Variants in MGRN1 observed in about 807,000 individuals in gnomAD.
The protein encoded by MGRN1 is mahogunin ring finger 1.
In MGRN1, 29 loss-of-function variants were observed where a neutral mutation model predicts 69.2. That is an observed-to-expected ratio of 0.42 (90% CI 0.31 to 0.57). The LOEUF (loss-of-function observed/expected upper bound fraction) is 0.57, where lower values mean the gene tolerates loss of function less well. Among genes scored for constraint, MGRN1 ranks in the 20% least tolerant of loss-of-function variants. The pLI is 0.15. For missense variants in MGRN1, 998 were observed against 796.2 expected (o/e 1.25, Z -3.05); for synonymous variants, 470 against 344.2 (o/e 1.37, Z -4.04).
chr16:4,646,496 G>T (rs1463374241), intron 1 of MGRN1, among the ~76,000 whole-genome samples: 1 of 152,086 alleles, frequency 6.6e-6, no homozygotes, highest in Non-Finnish European at 1.5e-5. Context: ...TGCCTCCCTG[G>T]CTCACAGGCC....
At chr16:4,642,060 G>A (rs6500626) in intron 1 of MGRN1, among the ~76,000 whole-genome samples, 11,217 of 151,488 alleles carry the variant, frequency 0.074, 1,237 homozygotes, top group African/African-American at 0.25. Context: ...CCCTGTTCTT[G>A]AGTGCTGAGG....
chr16:4,639,247 A>G (rs2078104507), intron 1 of MGRN1, among the ~76,000 whole-genome samples: 1 of 152,094 alleles, frequency 6.6e-6, no homozygotes, highest in Admixed American at 6.6e-5. Flanking sequence ...GGTACACGAG[A>G]TAAAGCAGCA....
Position 4,642,466 on chromosome 16 carries a change from TTGTGTG to T in MGRN1, c.89-7869_89-7864del, listed in dbSNP as rs143119735. ...GCATGCACCACCACGGCCAGCTAAT[TTGTGTG>T]TGTGTGTGTGTGTGTGTGTGTGTGT... On this transcript the variant is annotated intron_variant, in intron 1 of 16. Transcript: ENST00000262370. Among the ~76,000 whole-genome samples, 251 of 141,816 alleles carry T rather than the reference TTGTGTG, an allele frequency of 1.8e-3. 1 individual carries two copies. The highest frequency in any genetic ancestry group is 7.1e-3 in the Middle Eastern group (2 of 280). 93.0% of individuals were successfully genotyped at this position (141,816 alleles called of 152,430 possible).
At chr16:4,647,804 C>T (rs1193901818) in intron 1 of MGRN1, among the ~76,000 whole-genome samples, 1 of 152,190 alleles carries the variant, frequency 6.6e-6, no homozygotes, top group African/African-American at 2.4e-5. Flanking sequence ...TCGTCATCAG[C>T]TCTCAGTGGT....
chr16:4,635,659 G>A (rs1033007062), intron 1 of MGRN1, among the ~76,000 whole-genome samples: 1 of 151,000 alleles, frequency 6.6e-6, no homozygotes, highest in Admixed American at 6.6e-5. Context: ...TTTTGAGACA[G>A]AGTCTCGCAC....
intron 10 of MGRN1, among the ~76,000 whole-genome samples, chr16:4,675,448 T>C (rs2079033962): frequency 6.6e-6 from 1 of 152,102 alleles, no homozygotes; most frequent in Non-Finnish European, 1.5e-5. Flanking sequence ...TTTCAATAAA[T>C]TTTTAGCATA....
intron 1 of MGRN1, among the ~76,000 whole-genome samples, chr16:4,638,215 C>T (rs955517795): frequency 6.6e-6 from 1 of 152,012 alleles, no homozygotes; most frequent in Admixed American, 6.6e-5. Context: ...CCCTGTAATC[C>T]CAGCACTTTG....
At chr16:4,677,299 G>C (rs1183510997) in intron 10 of MGRN1, 164 bp from the exon 11 acceptor site, 4 of 449,492 alleles carry the variant, frequency 8.9e-6, no homozygotes, top group Non-Finnish European at 1.2e-5. Flanking sequence ...TTAAATTCCT[G>C]CTCCTTAAAA....
At chr16:4,631,794 C>T (rs1448566361) in intron 1 of MGRN1, among the ~76,000 whole-genome samples, 1 of 152,126 alleles carries the variant, frequency 6.6e-6, no homozygotes, top group Non-Finnish European at 1.5e-5. Context: ...ATAAGTATTA[C>T]ATTGGATATA....
rs149243318 is a variant in MGRN1 at position 4,657,794 on chromosome 16, G to A, written c.561+431G>A. ...ACAGTCTCGCTCTGTCGCCCAGGCT[G>A]CAGTGCAGTGGCGCGATCTCGGATC... On this transcript the variant is annotated intron_variant, in intron 5 of 16. Transcript: ENST00000262370. 4.7e-5 allele frequency among the ~76,000 whole-genome samples: 6 copies of A among 128,388 alleles called. No individual in the cohort carries two copies. In the East Asian group the frequency reaches 8.8e-4, roughly 19 times the overall value. 84.2% of individuals were successfully genotyped at this position (128,388 alleles called of 152,430 possible). A position where few individuals can be genotyped will look rare whatever the true frequency, so the allele number is the denominator to read the frequency against.
chr16:4,648,808 G>A (rs1596277398), intron 1 of MGRN1, among the ~76,000 whole-genome samples: 2 of 118,256 alleles, frequency 1.7e-5, no homozygotes, highest in Admixed American at 7.8e-5. Context: ...TCCTCCCGGG[G>A]CTCTTCCCGT....
rs538932116 is a variant in MGRN1 at position 4,668,256 on chromosome 16, C to A, written c.679-9C>A. The A allele has an allele frequency of 9.3e-6, 15 of 1,613,842 alleles. No individual in the cohort carries two copies. In the Admixed American group the frequency reaches 1.7e-4, roughly 18 times the overall value. On this transcript the variant is annotated splice_polypyrimidine_tract_variant and intron_variant, in intron 7 of 16. Coordinates refer to ENST00000262370, the MANE Select transcript of MGRN1 (RefSeq NM_015246.4). ...ACCACCTTAACCTCTTTGTCTTTCT[C>A]CCCTGCAGCACATGGACGGCAGCTT...
intron 1 of MGRN1, among the ~76,000 whole-genome samples, chr16:4,646,307 T>C (rs935653245): frequency 2.6e-5 from 4 of 152,116 alleles, no homozygotes; most frequent in Admixed American, 6.5e-5. Context: ...GTGCACACTG[T>C]GATCCCAGCT....
rs534277637 is a variant in MGRN1 at position 4,654,305 on chromosome 16, G to T, written c.443+1481G>T. On this transcript the variant is annotated intron_variant, in intron 4 of 16. Transcript: ENST00000262370. Reference sequence around the variant, plus strand: ...CCCTGTTGCTGAGGAAATGACAAGGGTTTTAGAGGACTCTGTGTCAGGAAC... The same window carrying T: ...CCCTGTTGCTGAGGAAATGACAAGGTTTTTAGAGGACTCTGTGTCAGGAAC... 4.6e-5 allele frequency among the ~76,000 whole-genome samples: 7 copies of T among 152,316 alleles called. No homozygotes were observed. The East Asian group carries it at 1.4e-3, about 29-fold the overall frequency.
intron 5 of MGRN1, among the ~76,000 whole-genome samples, chr16:4,658,247 C>T (rs1481143237): frequency 6.6e-6 from 1 of 151,522 alleles, no homozygotes; most frequent in Non-Finnish European, 1.5e-5. Context: ...CAGTACAGAC[C>T]TTGTGTGGCC....
chr16:4,658,691 G>C (rs921207533), intron 5 of MGRN1, among the ~76,000 whole-genome samples: 3 of 151,566 alleles, frequency 2.0e-5, no homozygotes, highest in Non-Finnish European at 2.9e-5. Flanking sequence ...TCTGTAAAAA[G>C]CCTCCCTTGT....
intron 1 of MGRN1, among the ~76,000 whole-genome samples, chr16:4,645,605 G>A (rs1283832963): frequency 2.0e-5 from 3 of 152,224 alleles, no homozygotes; most frequent in Non-Finnish European, 2.9e-5. Flanking sequence ...GCAAGCTGGG[G>A]TGTGGGAGGC....
rs77279602 is a variant in MGRN1, at chr16:4,637,598, G to T, written c.88+12550G>T. On this transcript the variant is annotated intron_variant, in intron 1 of 16. Coordinates refer to ENST00000262370, the MANE Select transcript of MGRN1 (RefSeq NM_015246.4). ...ATGGAGTGTATTGAAGGCTCCGAGG[G>T]AAGTCCCAGTAACCTCAGGGGAAAC... Among the ~76,000 whole-genome samples the T allele has an allele frequency of 3.2e-3, 495 of 152,332 alleles. 2 individuals carry two copies. The highest frequency in any genetic ancestry group is 0.011 in the African/African-American group (461 of 41,574).
At chr16:4,685,956 G>C (rs2079304000) in intron 16 of MGRN1, among the ~76,000 whole-genome samples, 1 of 152,180 alleles carries the variant, frequency 6.6e-6, no homozygotes, top group Non-Finnish European at 1.5e-5. Flanking sequence ...CCCACCCAGG[G>C]CCTTCACTCC....
Sources: allele counts gnomAD v4.1 joint callset (sites outside exome capture counted in the v4.1 genomes callset), GRCh38; gene constraint gnomAD v4.1.1; transcripts MANE v1.5; gene names NCBI Gene and HGNC (gene_info 2026-07-23, HGNC 2026-07-21).